The following RYR2 variants were observed in gnomAD, a reference collection of about 807,000 sequenced individuals.
The protein encoded by RYR2 is ryanodine receptor 2, also known as cardiac muscle ryanodine receptor-calcium release channel.
RYR2 carries 227 observed loss-of-function variants against 601.1 expected under a neutral mutation model. The ratio of observed to expected loss-of-function variants is 0.38; its 90% CI spans 0.34 to 0.42. The LOEUF is 0.42. Ranked by LOEUF, RYR2 falls within the 10% of genes least tolerant of loss-of-function variation. The pLI is 1.00. For synonymous variants in RYR2, 2,223 were observed against 2,175.1 expected, an observed-to-expected ratio of 1.02 and a Z score of -0.61; for missense variants, 4,646 against 6,156.5, an observed-to-expected ratio of 0.75 and a Z score of 8.21.
At chr1:237,680,944 T>C (rs1165372461) in intron 62 of RYR2, among the ~76,000 whole-genome samples, 1 of 152,248 alleles carries the variant, frequency 6.6e-6, no homozygotes. Flanking sequence ...CCAGCATTTA[T>C]TGTTCAGAAG....
chr1:237,398,261 A>G (rs1703040587), intron 10 of RYR2, among the ~76,000 whole-genome samples: 2 of 152,038 alleles, frequency 1.3e-5, no homozygotes, highest in Admixed American at 1.3e-4. Context: ...TTTTTATTTT[A>G]CAATTGAATC....
intron 4 of RYR2, among the ~76,000 whole-genome samples, chr1:237,361,868 G>GT (rs1699809981): frequency 6.6e-6 from 1 of 152,136 alleles, no homozygotes; most frequent in Admixed American, 6.6e-5. Context: ...AATTTTCAGA[G>GT]TAAAGTATTG....
At chr1:237,666,453 T>C in intron 56 of RYR2, 59 bp from the exon 57 acceptor site, 1 of 1,428,098 alleles carries the variant, frequency 7.0e-7, no homozygotes, top group Non-Finnish European at 9.7e-7. Flanking sequence ...AAAGTATAAG[T>C]TAAGTCTCTC....
intron 10 of RYR2, among the ~76,000 whole-genome samples, chr1:237,413,020 T>C (rs764024409): frequency 6.6e-6 from 1 of 152,092 alleles, no homozygotes; most frequent in Non-Finnish European, 1.5e-5. Context: ...TCTAAATAAG[T>C]TTGAGTGTCC....
intron 1 of RYR2, among the ~76,000 whole-genome samples, chr1:237,059,490 A>G (rs1662585008): frequency 6.6e-6 from 1 of 152,124 alleles, no homozygotes; most frequent in Non-Finnish European, 1.5e-5. Context: ...ATTGTGGATA[A>G]ATGGAGTCTA....
chr1:237,117,582 C>A (rs114195894), intron 1 of RYR2, among the ~76,000 whole-genome samples: 1 of 152,038 alleles, frequency 6.6e-6, no homozygotes, highest in African/African-American at 2.4e-5. Context: ...ATTGACTTTT[C>A]TTTTCTCTTC....
chr1:237,174,848 G>GA (rs1677839630), intron 1 of RYR2, among the ~76,000 whole-genome samples: 1 of 152,114 alleles, frequency 6.6e-6, no homozygotes, highest in Non-Finnish European at 1.5e-5. Context: ...TCTAGCAAGG[G>GA]AAAAATGATC....
chr1:237,337,997 C>A (rs1013011386), intron 3 of RYR2, among the ~76,000 whole-genome samples: 2 of 152,158 alleles, frequency 1.3e-5, no homozygotes, highest in Non-Finnish European at 2.9e-5. Flanking sequence ...AGGGAAAAAT[C>A]TGTTTCCTTG....
chr1:237,267,913 A>G (rs1470317395), intron 1 of RYR2, among the ~76,000 whole-genome samples: 1 of 152,186 alleles, frequency 6.6e-6, no homozygotes, highest in Non-Finnish European at 1.5e-5. Context: ...AAGTTACTTT[A>G]TGTCTCATTT....
At chr1:237,715,107 CATCTTCAT>C (rs1317940656) in intron 71 of RYR2, among the ~76,000 whole-genome samples, 1 of 146,324 alleles carries the variant, frequency 6.8e-6, no homozygotes, top group Non-Finnish European at 1.5e-5. Flanking sequence ...CATGTTATTA[CATCTTCAT>C]ATCTGATCCA....
chr1:237,598,950 A>G (rs1236393431), intron 34 of RYR2, among the ~76,000 whole-genome samples: 2 of 152,006 alleles, frequency 1.3e-5, no homozygotes, highest in Admixed American at 1.3e-4. Context: ...AAAAGAAGAC[A>G]TTACAACCTA....
At chr1:237,615,245 G>A (rs1573130229) in intron 37 of RYR2, among the ~76,000 whole-genome samples, 1 of 152,310 alleles carries the variant, frequency 6.6e-6, no homozygotes, top group East Asian at 1.9e-4. Flanking sequence ...CTGGAGTGCA[G>A]TGGTGGTGCA....
intron 53 of RYR2, among the ~76,000 whole-genome samples, chr1:237,657,254 C>T (rs1021801026): frequency 2.0e-5 from 3 of 152,018 alleles, no homozygotes; most frequent in African/African-American, 4.8e-5. Flanking sequence ...CAACAGCAAA[C>T]CATCTTATAC....
At chr1:237,550,486 C>T in intron 26 of RYR2, 58 bp from the exon 27 acceptor site, 1 of 1,567,550 alleles carries the variant, frequency 6.4e-7, no homozygotes. Context: ...TTGGTAGCTA[C>T]TTATTTCTAA....
At position 237,097,689 on chromosome 1, in the gene RYR2, A is replaced by G. The variant is rs371737706; in HGVS notation, c.48+55120A>G. 1.1e-3 allele frequency among the ~76,000 whole-genome samples: 165 copies of G among 152,342 alleles called. 1 individual carries two copies. Among genetic ancestry groups the G allele is most frequent in the African/African-American group, 3.7e-3 (153 of 41,590 alleles). On this transcript the variant is annotated intron_variant, in intron 1 of 104. Transcript: ENST00000366574. ...TTCTGGCAAGGAGGATATGGGCTTA[A>G]GTAAAATACTCCATTGCACCGTTTC... is the stretch of plus-strand genomic sequence containing the variant.
chr1:237,137,231 G>T lies in RYR2; in HGVS notation c.48+94662G>T, dbSNP rs560677780. On this transcript the variant is annotated intron_variant, in intron 1 of 104. Coordinates refer to ENST00000366574, the MANE Select transcript of RYR2 (RefSeq NM_001035.3). ...TTAAGGAACAATTATTTCTTTGCTG[G>T]TGGAAGGAGCCTGGGTCAGTGACAG... 1.4e-4 allele frequency among the ~76,000 whole-genome samples: 21 copies of T among 152,188 alleles called. 1 individual carries two copies. The East Asian group carries it at 3.9e-3, about 28-fold the overall frequency.
intron 16 of RYR2, among the ~76,000 whole-genome samples, chr1:237,468,154 G>C (rs983361653): frequency 2.0e-5 from 3 of 151,840 alleles, no homozygotes; most frequent in African/African-American, 7.3e-5. Context: ...CACCACCCCT[G>C]GCCTACCAGA....
At chr1:237,321,407 A>T (rs751723557) in intron 2 of RYR2, among the ~76,000 whole-genome samples, 1 of 152,152 alleles carries the variant, frequency 6.6e-6, no homozygotes, top group Non-Finnish European at 1.5e-5. Flanking sequence ...TTTAAATAAC[A>T]GATTTCTTAA....
intron 65 of RYR2, among the ~76,000 whole-genome samples, chr1:237,701,512 G>T (rs1687965864): frequency 6.6e-6 from 1 of 150,548 alleles, no homozygotes; most frequent in African/African-American, 2.5e-5. Flanking sequence ...CTGGGTGACA[G>T]AGCAAGACTC....
Sources: gnomAD v4.1 joint callset for allele counts (sites outside exome capture counted in the v4.1 genomes callset) on GRCh38, gnomAD v4.1.1 for gene constraint, MANE v1.5 for transcripts, NCBI Gene and HGNC (gene_info 2026-07-23, HGNC 2026-07-21) for gene names.